KCNQ5: variants seen among roughly 807,000 people sequenced by gnomAD.
KCNQ5 encodes potassium voltage-gated channel subfamily Q member 5.
KCNQ5 carries 30 observed loss-of-function variants against 98.2 expected under a neutral mutation model. That is an observed-to-expected ratio of 0.31 (90% CI 0.23 to 0.41). The LOEUF (loss-of-function observed/expected upper bound fraction) is 0.41, where lower values mean the gene tolerates loss of function less well. Ranked by LOEUF, KCNQ5 falls within the 10% of genes least tolerant of loss-of-function variation. KCNQ5 has a pLI of 1.00. For missense variants in KCNQ5, 835 were observed against 1,182.5 expected (o/e 0.71, Z 4.31); for synonymous variants, 458 against 449.4 (o/e 1.02, Z -0.24).
chr6:72,964,547 A>G (rs1417008212), intron 1 of KCNQ5, among the ~76,000 whole-genome samples: 2 of 152,254 alleles, frequency 1.3e-5, no homozygotes, highest in African/African-American at 4.8e-5. Flanking sequence ...TGGTGATTAC[A>G]AGAAAATATT....
intron 1 of KCNQ5, among the ~76,000 whole-genome samples, chr6:72,707,081 T>C (rs1769128738): frequency 6.6e-6 from 1 of 152,244 alleles, no homozygotes; most frequent in South Asian, 2.1e-4. Flanking sequence ...CATTTAGGCA[T>C]GTGCACCAGC....
intron 5 of KCNQ5, among the ~76,000 whole-genome samples, chr6:73,093,446 G>T (rs1255119838): frequency 6.6e-6 from 1 of 151,882 alleles, no homozygotes; most frequent in Non-Finnish European, 1.5e-5. Flanking sequence ...TCTTCTGCTG[G>T]GTCTGGGTTT....
At chr6:72,763,188 G>C (rs540583476) in intron 1 of KCNQ5, among the ~76,000 whole-genome samples, 1 of 151,918 alleles carries the variant, frequency 6.6e-6, no homozygotes, top group South Asian at 2.1e-4. Flanking sequence ...CTAGCACTCT[G>C]GGTCCTGGGT....
intron 2 of KCNQ5, among the ~76,000 whole-genome samples, chr6:73,006,400 C>T (rs924074839): frequency 4.9e-5 from 7 of 142,526 alleles, no homozygotes; most frequent in Non-Finnish European, 8.8e-5. Flanking sequence ...GCATGTAATC[C>T]CAGCACTTTG....
intron 12 of KCNQ5, among the ~76,000 whole-genome samples, chr6:73,191,986 C>T (rs1003389092): frequency 6.6e-6 from 1 of 152,184 alleles, no homozygotes; most frequent in Non-Finnish European, 1.5e-5. Context: ...AGATTGTGGT[C>T]ATATTGCAAT....
intron 10 of KCNQ5, among the ~76,000 whole-genome samples, chr6:73,148,238 G>A (rs1776999380): frequency 6.6e-6 from 1 of 152,148 alleles, no homozygotes; most frequent in East Asian, 1.9e-4. Flanking sequence ...CAGCATTTCT[G>A]CTAGCCAGTA....
At chr6:72,799,925 T>C (rs1249434817) in intron 1 of KCNQ5, among the ~76,000 whole-genome samples, 1 of 152,108 alleles carries the variant, frequency 6.6e-6, no homozygotes, top group Non-Finnish European at 1.5e-5. Context: ...TCAAGCTACT[T>C]TGAAAAAAAT....
At chr6:72,811,041 C>T (rs1775217040) in intron 1 of KCNQ5, among the ~76,000 whole-genome samples, 1 of 152,126 alleles carries the variant, frequency 6.6e-6, no homozygotes, top group South Asian at 2.1e-4. Flanking sequence ...TGTCTTCTTG[C>T]CTAAAACTCA....
intron 1 of KCNQ5, among the ~76,000 whole-genome samples, chr6:72,759,329 G>A (rs1221795838): frequency 6.6e-6 from 1 of 152,004 alleles, no homozygotes; most frequent in Non-Finnish European, 1.5e-5. Context: ...TTTCTCCAGG[G>A]CTTCCTGTCT....
At chr6:72,898,892 C>T (rs1383477409) in intron 1 of KCNQ5, among the ~76,000 whole-genome samples, 1 of 152,108 alleles carries the variant, frequency 6.6e-6, no homozygotes, top group Non-Finnish European at 1.5e-5. Flanking sequence ...GATGGTATCT[C>T]ATGTGGTTGT....
chr6:73,160,168 G>A (rs907099888), intron 10 of KCNQ5, among the ~76,000 whole-genome samples: 1 of 150,286 alleles, frequency 6.7e-6, no homozygotes, highest in Admixed American at 6.6e-5. Flanking sequence ...CACCCACCAC[G>A]ACGCCCGGCT....
chr6:72,830,194 A>G (rs1422810661), intron 1 of KCNQ5, among the ~76,000 whole-genome samples: 3 of 152,328 alleles, frequency 2.0e-5, no homozygotes, highest in African/African-American at 7.2e-5. Flanking sequence ...ATCCCCATCA[A>G]GCTACCAATG....
rs79919980 is a variant in KCNQ5 at position 72,644,192 on chromosome 6, C to T, written c.398+21605C>T. Among the ~76,000 whole-genome samples the T allele has an allele frequency of 7.8e-4, 119 of 152,232 alleles. 5 individuals are homozygous for T. In the East Asian group the frequency reaches 0.018, roughly 23 times the overall value. On this transcript the variant is annotated intron_variant, in intron 1 of 13. Coordinates refer to ENST00000370398, the MANE Select transcript of KCNQ5 (RefSeq NM_019842.4). The stretch of plus-strand genomic sequence containing the variant: ...TCCTAGTGGAAATACAGGGTTAGGT[C>T]CTATGAGCCTTTGGTCATAACATTT...
chr6:73,063,686 T>TAGATAGATGATA (rs55995543), intron 3 of KCNQ5, among the ~76,000 whole-genome samples: 5,977 of 92,480 alleles, frequency 0.065, 464 homozygotes, highest in Non-Finnish European at 0.09. Flanking sequence ...GATAGATAGA[T>TAGATAGATGATA]GATAGATAGA....
chr6:72,635,816 A>T (rs1404413456), intron 1 of KCNQ5, among the ~76,000 whole-genome samples: 1 of 151,598 alleles, frequency 6.6e-6, no homozygotes, highest in African/African-American at 2.4e-5. Flanking sequence ...ATTTCTAATT[A>T]CATGCTCTAA....
At chr6:72,697,792 A>G (rs138054419) in intron 1 of KCNQ5, among the ~76,000 whole-genome samples, 1 of 152,328 alleles carries the variant, frequency 6.6e-6, no homozygotes, top group African/African-American at 2.4e-5. Flanking sequence ...GTAATTGGTA[A>G]ATGGATATGT....
intron 1 of KCNQ5, among the ~76,000 whole-genome samples, chr6:72,787,665 C>T (rs1773825865): frequency 6.6e-6 from 1 of 152,206 alleles, no homozygotes; most frequent in South Asian, 2.1e-4. Context: ...CCCGTCCTCC[C>T]AGTCCATGCC....
chr6:73,139,684 G>T (rs753047592), intron 10 of KCNQ5, among the ~76,000 whole-genome samples: 10 of 152,118 alleles, frequency 6.6e-5, no homozygotes, highest in Non-Finnish European at 1.3e-4. Context: ...AAGGCAAAGT[G>T]GGTAAAGGAA....
At chr6:72,636,388 A>G (rs190600523) in intron 1 of KCNQ5, among the ~76,000 whole-genome samples, 10 of 152,316 alleles carry the variant, frequency 6.6e-5, no homozygotes, top group Admixed American at 4.6e-4. Context: ...ATGCAAATGT[A>G]TCATAGGAGT....
Sources: allele counts gnomAD v4.1 joint callset (sites outside exome capture counted in the v4.1 genomes callset), GRCh38; gene constraint gnomAD v4.1.1; transcripts MANE v1.5; gene names NCBI Gene and HGNC (gene_info 2026-07-23, HGNC 2026-07-21).